PARP8: variants seen among roughly 807,000 people sequenced by gnomAD.
PARP8 encodes the protein protein mono-ADP-ribosyltransferase PARP8.
PARP8 carries 51 observed loss-of-function variants against 124.1 expected under a neutral mutation model. That is an observed-to-expected ratio of 0.41 (90% CI 0.33 to 0.52). The LOEUF (loss-of-function observed/expected upper bound fraction) is 0.52, where lower values mean the gene tolerates loss of function less well. Ranked by LOEUF, PARP8 falls within the 20% of genes least tolerant of loss-of-function variation. The pLI, the probability that PARP8 is intolerant of heterozygous loss-of-function variation, is 0.21. For synonymous variants in PARP8, 391 were observed against 361.5 expected (o/e 1.08, Z -0.93); for missense variants, 860 against 1,018.9 (o/e 0.84, Z 2.12).
Position 50,703,768 on chromosome 5 carries a change from A to C in PARP8, c.146+35643A>C, listed in dbSNP as rs78328655. On this transcript the variant is annotated intron_variant, in intron 2 of 25. Coordinates refer to ENST00000281631, the MANE Select transcript of PARP8 (RefSeq NM_024615.4). ...CCTACAAAAAATTTAAAAGTTAGCC[A>C]GGTGTGGTGTTGTGCACCTGTGGTC... Among the ~76,000 whole-genome samples the C allele has an allele frequency of 2.4e-4, 37 of 152,204 alleles. No homozygotes were observed. The East Asian group carries it at 6.2e-3, about 25-fold the overall frequency.
intron 9 of PARP8, among the ~76,000 whole-genome samples, chr5:50,779,968 A>C (rs1011176647): frequency 4.6e-5 from 7 of 152,326 alleles, no homozygotes; most frequent in African/African-American, 1.7e-4. Flanking sequence ...AGAAAAAATA[A>C]ATGTTTAAAA....
At chr5:50,762,714 C>A (rs1760677450) in intron 6 of PARP8, among the ~76,000 whole-genome samples, 3 of 152,148 alleles carry the variant, frequency 2.0e-5, no homozygotes, top group Admixed American at 2.0e-4. Flanking sequence ...TTTCCTCTCT[C>A]CAGGAATGTC....
chr5:50,843,351 CTCTA>C lies in PARP8; in HGVS notation c.*1287_*1290del, dbSNP rs1458873397. 2.0e-5 allele frequency: 3 copies of C among 151,496 alleles called. No homozygotes were observed. The highest frequency in any genetic ancestry group is 2.1e-4 in the South Asian group (1 of 4,806). The allele number at this position is 151,496 out of a possible 1,614,324, so 9.4% of individuals were successfully genotyped here. On this transcript the variant is annotated 3_prime_UTR_variant, in exon 26 of 26. Coordinates refer to ENST00000281631, the MANE Select transcript of PARP8 (RefSeq NM_024615.4). ...ACTCTATTCAAACCCTGAATCAAGG[CTCTA>C]TCTGATTTTAATTTATGTAAAAAAA...
Position 50,747,149 on chromosome 5 carries a change from T to G in PARP8, c.147-3002T>G, listed in dbSNP as rs1354379161. ...CTACTTATTCAGTTATGGTTTTTTT[T>G]GTTTGTTTGTTTTGTTTTTTTTTTT... On this transcript the variant is annotated intron_variant, in intron 2 of 25. Coordinates refer to ENST00000281631, the MANE Select transcript of PARP8 (RefSeq NM_024615.4). Among the ~76,000 whole-genome samples the G allele has an allele frequency of 1.3e-3, 146 of 112,296 alleles. 3 individuals are homozygous for G. Among genetic ancestry groups the G allele is most frequent in the African/African-American group, 5.1e-3 (142 of 28,018 alleles). 73.7% of individuals were successfully genotyped at this position (112,296 alleles called of 152,430 possible).
At chr5:50,756,454 G>A (rs533355717) in intron 3 of PARP8, among the ~76,000 whole-genome samples, 1 of 152,016 alleles carries the variant, frequency 6.6e-6, no homozygotes, top group East Asian at 1.9e-4. Flanking sequence ...AATAATTTGA[G>A]GAAGATTTAG....
intron 25 of PARP8, among the ~76,000 whole-genome samples, chr5:50,836,061 A>G (rs1747548764): frequency 6.6e-6 from 1 of 152,186 alleles, no homozygotes; most frequent in Admixed American, 6.5e-5. Context: ...CTGTGTATTC[A>G]GCATTGGATC....
intron 2 of PARP8, among the ~76,000 whole-genome samples, chr5:50,692,451 A>G (rs1752591481): frequency 6.6e-6 from 1 of 151,988 alleles, no homozygotes; most frequent in South Asian, 2.1e-4. Flanking sequence ...AAAAGTTTCT[A>G]TTTATGACTT....
At chr5:50,667,917 C>T in intron 1 of PARP8, 154 bp from the exon 2 acceptor site, 1 of 1,513,950 alleles carries the variant, frequency 6.6e-7, no homozygotes, top group South Asian at 1.2e-5. Context: ...CGCATCCCCT[C>T]GGACGCGGCG....
rs564739113 is a variant in PARP8 at position 50,743,930 on chromosome 5, G to A, written c.147-6221G>A. 2.6e-5 allele frequency among the ~76,000 whole-genome samples: 4 copies of A among 152,226 alleles called. No individual in the cohort carries two copies. The South Asian group carries it at 8.3e-4, about 32-fold the overall frequency. On this transcript the variant is annotated intron_variant, in intron 2 of 25. Transcript: ENST00000281631. ...TCTAACTGGGAGGGATAAAAGATACGAGGATGTAGTTTATTGGAGAAATTG... is the reference window on the plus strand; with the variant it reads ...TCTAACTGGGAGGGATAAAAGATACAAGGATGTAGTTTATTGGAGAAATTG...
At chr5:50,719,852 G>A (rs1369237307) in intron 2 of PARP8, among the ~76,000 whole-genome samples, 3 of 151,922 alleles carry the variant, frequency 2.0e-5, no homozygotes, top group Non-Finnish European at 4.4e-5. Flanking sequence ...AACAAAACAC[G>A]CAGTACATCT....
chr5:50,796,407 C>A (rs1742561900), intron 12 of PARP8, among the ~76,000 whole-genome samples: 1 of 152,136 alleles, frequency 6.6e-6, no homozygotes, highest in Non-Finnish European at 1.5e-5. Flanking sequence ...AAGCCCATTC[C>A]TACTCAAACA....
intron 9 of PARP8, among the ~76,000 whole-genome samples, chr5:50,784,635 CTT>C (rs1407032829): frequency 6.6e-6 from 1 of 152,116 alleles, no homozygotes; most frequent in Non-Finnish European, 1.5e-5. Context: ...CATTGAATAA[CTT>C]TGACCTTTTT....
intron 7 of PARP8, among the ~76,000 whole-genome samples, chr5:50,763,821 A>C (rs1486685815): frequency 6.6e-6 from 1 of 152,132 alleles, no homozygotes; most frequent in African/African-American, 2.4e-5. Flanking sequence ...TTTTTCTGCC[A>C]CCATAATAGT....
intron 7 of PARP8, among the ~76,000 whole-genome samples, chr5:50,772,017 T>C (rs1761677913): frequency 1.3e-5 from 2 of 152,216 alleles, no homozygotes; most frequent in Admixed American, 6.5e-5. Context: ...TTTCCCTTTA[T>C]GCTTCCCAAC....
At chr5:50,683,198 T>C (rs576578266) in intron 2 of PARP8, among the ~76,000 whole-genome samples, 3 of 152,330 alleles carry the variant, frequency 2.0e-5, no homozygotes, top group African/African-American at 7.2e-5. Flanking sequence ...AGCTGGATTG[T>C]GAACATTTTA....
chr5:50,675,678 T>C (rs1345533016), intron 2 of PARP8, among the ~76,000 whole-genome samples: 1 of 152,230 alleles, frequency 6.6e-6, no homozygotes, highest in African/African-American at 2.4e-5. Flanking sequence ...GAATATATAC[T>C]GTATTTGAAG....
Position 50,815,292 on chromosome 5 carries a change from C to T in PARP8, c.1576-140C>T, listed in dbSNP as rs113603417. ...GTTACCTAAATTTAAGAATTTATTT[C>T]GTATTAAAATGGTATGATTTCCTTT... On this transcript the variant is annotated intron_variant, in intron 14 of 25. Coordinates refer to ENST00000281631, the MANE Select transcript of PARP8 (RefSeq NM_024615.4). 5.8e-3 allele frequency: 2,993 copies of T among 518,776 alleles called. 78 individuals are homozygous for T. The highest frequency in any genetic ancestry group is 0.055 in the African/African-American group (2,755 of 49,676). 32.1% of individuals were successfully genotyped at this position (518,776 alleles called of 1,614,324 possible).
chr5:50,820,694 G>A (rs1323147676), intron 15 of PARP8, among the ~76,000 whole-genome samples: 1 of 152,190 alleles, frequency 6.6e-6, no homozygotes, highest in Non-Finnish European at 1.5e-5. Flanking sequence ...CTCGCCAGAT[G>A]GTCGCATGTC....
At chr5:50,838,699 T>C (rs921118997) in intron 25 of PARP8, among the ~76,000 whole-genome samples, 7 of 152,150 alleles carry the variant, frequency 4.6e-5, no homozygotes, top group African/African-American at 1.7e-4. Context: ...CTCCAACATA[T>C]AGAGTCGCTT....
Sources: allele counts gnomAD v4.1 joint callset (sites outside exome capture counted in the v4.1 genomes callset), GRCh38; gene constraint gnomAD v4.1.1; transcripts MANE v1.5; gene names NCBI Gene and HGNC (gene_info 2026-07-23, HGNC 2026-07-21).